RALYL: variants seen among roughly 807,000 people sequenced by gnomAD.
RALYL encodes the protein RNA-binding Raly-like protein.
RALYL carries 29 observed loss-of-function variants against 35.1 expected under a neutral mutation model. That is an observed-to-expected ratio of 0.83 (90% confidence interval 0.61 to 1.13). The LOEUF (loss-of-function observed/expected upper bound fraction) is 1.13, where lower values mean the gene tolerates loss of function less well. Ranked by LOEUF, RALYL falls within the 50% of genes most tolerant of loss-of-function variation. RALYL has a pLI of 0.00. For missense variants in RALYL, 359 were observed against 360.4 expected (o/e 1.00, Z 0.03); for synonymous variants, 120 against 127.6 (o/e 0.94, Z 0.40).
In RALYL at chr8:84,584,081, A is replaced by G. The variant is rs1360561532; in HGVS notation, c.256+54504A>G. On this transcript the variant is annotated intron_variant, in intron 2 of 8. Coordinates refer to ENST00000521268, the MANE Select transcript of RALYL (RefSeq NM_173848.7). ...AGAGAATGGAGTATCCATCCCCTCAAGTATTTATTTTTTGTGTTACAATCC... is the reference window on the plus strand; with the variant it reads ...AGAGAATGGAGTATCCATCCCCTCAGGTATTTATTTTTTGTGTTACAATCC... Among the ~76,000 whole-genome samples, 4 of 152,302 alleles carry G rather than the reference A, an allele frequency of 2.6e-5. No individual in the cohort carries two copies. In the East Asian group the frequency reaches 7.7e-4, roughly 29 times the overall value.
chr8:84,453,155 T>C (rs1443171843), intron 1 of RALYL, among the ~76,000 whole-genome samples: 2 of 151,968 alleles, frequency 1.3e-5, no homozygotes, highest in Non-Finnish European at 2.9e-5. Flanking sequence ...TGTGTATATG[T>C]CCATACAAAT....
At chr8:84,503,350 G>T (rs1003210470) in intron 1 of RALYL, among the ~76,000 whole-genome samples, 16 of 149,768 alleles carry the variant, frequency 1.1e-4, no homozygotes, top group African/African-American at 2.5e-5. Flanking sequence ...AACAGACAGG[G>T]TATCACTATG....
At position 84,379,861 on chromosome 8, in the gene RALYL, C is replaced by CAAA. The variant is rs201626471; in HGVS notation, c.-23-149428_-23-149426dup. Among the ~76,000 whole-genome samples the CAAA allele has an allele frequency of 2.8e-3, 356 of 126,496 alleles. 3 individuals are homozygous for CAAA. The highest frequency in any genetic ancestry group is 8.7e-3 in the African/African-American group (306 of 35,162). The allele number at this position is 126,496 out of a possible 152,430, so 83.0% of individuals were successfully genotyped here. On this transcript the variant is annotated intron_variant, in intron 1 of 8. Coordinates refer to ENST00000521268, the MANE Select transcript of RALYL (RefSeq NM_173848.7). ...TCTTAGCTTTGGTTTCTCTCAAGCTCAAAAAAAAAAAAGAAAAAAACTGTA... is the reference window on the plus strand; with the variant it reads ...TCTTAGCTTTGGTTTCTCTCAAGCTCAAAAAAAAAAAAAAAGAAAAAAACTGTA...
At chr8:84,472,918 A>G (rs1012733047) in intron 1 of RALYL, among the ~76,000 whole-genome samples, 1 of 152,148 alleles carries the variant, frequency 6.6e-6, no homozygotes, top group Admixed American at 6.5e-5. Context: ...ATAATCTTTG[A>G]GACTGGATTG....
chr8:84,424,572 G>C (rs1265076817), intron 1 of RALYL, among the ~76,000 whole-genome samples: 1 of 151,300 alleles, frequency 6.6e-6, no homozygotes, highest in African/African-American at 2.5e-5. Flanking sequence ...TCTCCATCCA[G>C]CTTTGTTCTG....
chr8:84,407,448 T>C (rs1227690120), intron 1 of RALYL, among the ~76,000 whole-genome samples: 1 of 152,186 alleles, frequency 6.6e-6, no homozygotes, highest in Non-Finnish European at 1.5e-5. Flanking sequence ...CATGTGTCTA[T>C]CATTCTTATT....
chr8:84,308,210 A>T (rs1412806049), intron 1 of RALYL, among the ~76,000 whole-genome samples: 2 of 152,184 alleles, frequency 1.3e-5, no homozygotes, highest in African/African-American at 4.8e-5. Flanking sequence ...AAAAATACTT[A>T]CAAAAATAAT....
intron 1 of RALYL, among the ~76,000 whole-genome samples, chr8:84,203,885 T>C (rs1817481772): frequency 6.6e-6 from 1 of 152,130 alleles, no homozygotes; most frequent in Admixed American, 6.5e-5. Context: ...CATCCCATTC[T>C]CAATGGACTC....
chr8:84,436,147 T>A (rs1303563496), intron 1 of RALYL, among the ~76,000 whole-genome samples: 1 of 152,094 alleles, frequency 6.6e-6, no homozygotes, highest in African/African-American at 2.4e-5. Context: ...AAGTAGTTGA[T>A]CTAGGCAATT....
chr8:84,862,525 A>G, intron 6 of RALYL, 72 bp downstream of exon 6: 1 of 1,170,482 alleles, frequency 8.5e-7, no homozygotes, highest in African/African-American at 1.6e-5. Context: ...GAATGCCTAT[A>G]TTCAATAAAT....
chr8:84,281,787 G>T (rs1004260965), intron 1 of RALYL, among the ~76,000 whole-genome samples: 6 of 150,768 alleles, frequency 4.0e-5, no homozygotes, highest in Admixed American at 6.6e-5. Context: ...ATCTCTAAGT[G>T]TATGTGTGTG....
At chr8:84,354,987 A>G (rs1414092215) in intron 1 of RALYL, among the ~76,000 whole-genome samples, 2 of 150,342 alleles carry the variant, frequency 1.3e-5, no homozygotes, top group African/African-American at 4.9e-5. Flanking sequence ...TCTCATGCGC[A>G]TCACAAATAT....
chr8:84,567,679 T>C (rs1332479553), intron 2 of RALYL, among the ~76,000 whole-genome samples: 1 of 143,510 alleles, frequency 7.0e-6, no homozygotes, highest in Admixed American at 6.8e-5. Flanking sequence ...TGAACGTTGT[T>C]TTTTTTTTTT....
At chr8:84,323,576 G>A (rs1035942425) in intron 1 of RALYL, among the ~76,000 whole-genome samples, 21 of 152,102 alleles carry the variant, frequency 1.4e-4, no homozygotes, top group African/African-American at 4.8e-4. Flanking sequence ...AGAATAAACA[G>A]TCTAGTTTAT....
intron 2 of RALYL, among the ~76,000 whole-genome samples, chr8:84,736,582 G>A (rs924420337): frequency 2.6e-4 from 40 of 152,042 alleles, no homozygotes; most frequent in African/African-American, 8.9e-4. Flanking sequence ...TGTCTATCAT[G>A]TGTGAGTATA....
intron 1 of RALYL, among the ~76,000 whole-genome samples, chr8:84,242,748 T>A (rs1341551120): frequency 6.6e-6 from 1 of 152,192 alleles, no homozygotes; most frequent in African/African-American, 2.4e-5. Context: ...TTTTTTCAGA[T>A]GGATTTGATA....
intron 1 of RALYL, among the ~76,000 whole-genome samples, chr8:84,259,113 T>C (rs184029874): frequency 1.3e-5 from 2 of 152,260 alleles, no homozygotes; most frequent in African/African-American, 4.8e-5. Flanking sequence ...ACTGGGGGCA[T>C]AATAGAAATG....
intron 1 of RALYL, among the ~76,000 whole-genome samples, chr8:84,218,610 C>T (rs1200333852): frequency 6.6e-6 from 1 of 151,988 alleles, no homozygotes; most frequent in Non-Finnish European, 1.5e-5. Context: ...GGTCAGAACT[C>T]CAGTGAGGTT....
chr8:84,225,367 A>G (rs898903961), intron 1 of RALYL, among the ~76,000 whole-genome samples: 3 of 152,166 alleles, frequency 2.0e-5, no homozygotes, highest in Non-Finnish European at 4.4e-5. Context: ...CGCAAATCAG[A>G]TCATGTCACA....
Sources: gnomAD v4.1 joint callset for allele counts (sites outside exome capture counted in the v4.1 genomes callset) on GRCh38, gnomAD v4.1.1 for gene constraint, MANE v1.5 for transcripts, NCBI Gene and HGNC (gene_info 2026-07-23, HGNC 2026-07-21) for gene names.